GABPB1: variants seen among roughly 807,000 people sequenced by gnomAD.
GABPB1 encodes GA binding protein transcription factor subunit beta 1.
A neutral mutation model predicts 45.9 loss-of-function variants in GABPB1; 15 were observed. The ratio of observed to expected loss-of-function variants is 0.33; its 90% CI spans 0.22 to 0.50. The LOEUF (loss-of-function observed/expected upper bound fraction) is 0.50. Ranked by LOEUF, GABPB1 falls within the 20% of genes least tolerant of loss-of-function variation. The pLI, the probability that GABPB1 is intolerant of heterozygous loss-of-function variation, is 0.98. For missense variants in GABPB1, 252 were observed against 457.5 expected (o/e 0.55, Z 4.10); for synonymous variants, 143 against 154.4 (o/e 0.93, Z 0.55).
rs572313678 is a variant in GABPB1, at chr15:50,297,504, G to A, written c.697+3285C>T. ...ACTGGTATTACAGGAGTGAGCCTGC[G>A]CTCCCGGCACTTCTTTTTAAGTAAG... On this transcript the variant is annotated intron_variant, in intron 6 of 8. Transcript: ENST00000380877. Among the ~76,000 whole-genome samples, 5 of 152,224 alleles carry A rather than the reference G, an allele frequency of 3.3e-5. No individual in the cohort carries two copies. In the East Asian group the frequency reaches 5.8e-4, roughly 18 times the overall value.
Position 50,276,529 on chromosome 15 carries a change from T to C in GABPB1, c.*2103A>G, listed in dbSNP as rs1265342726. ...ACTTACTCCTTTTAAGCACCAATTA[T>C]TTTCTCCCATCTATGCCAGCTGTTG... On this transcript the variant is annotated 3_prime_UTR_variant, in exon 9 of 9. Coordinates refer to ENST00000380877, the MANE Select transcript of GABPB1 (RefSeq NM_016654.5). 1 of 151,628 alleles carries C rather than the reference T, an allele frequency of 6.6e-6. No individual in the cohort carries two copies. The highest frequency in any genetic ancestry group is 1.5e-5 in the Non-Finnish European group (1 of 68,032). The allele number at this position is 151,628 out of a possible 1,614,324, so 9.4% of individuals were successfully genotyped here.
intron 8 of GABPB1, among the ~76,000 whole-genome samples, chr15:50,284,205 A>G (rs949348518): frequency 6.6e-6 from 1 of 152,158 alleles, no homozygotes; most frequent in Admixed American, 6.5e-5. Flanking sequence ...TATTATAAGG[A>G]AATTATTACC....
chr15:50,344,526 G>A (rs1256916279), intron 1 of GABPB1, among the ~76,000 whole-genome samples: 1 of 152,196 alleles, frequency 6.6e-6, no homozygotes, highest in African/African-American at 2.4e-5. Flanking sequence ...AATAGGCAAT[G>A]CAGAATTCCA....
At position 50,278,509 on chromosome 15, in the gene GABPB1, C is replaced by T; in HGVS notation, c.*123G>A. On this transcript the variant is annotated 3_prime_UTR_variant, in exon 9 of 9. Transcript: ENST00000380877. ...GAACTCAGAGCTCATGGCTTAAGTC[C>T]AATTATCCATCTGTAGTCTCTTCTA... The T allele has an allele frequency of 1.6e-6, 1 of 638,292 alleles. No homozygotes were observed. Among genetic ancestry groups the T allele is most frequent in the Non-Finnish European group, 2.5e-6 (1 of 407,764 alleles). 39.5% of individuals were successfully genotyped at this position (638,292 alleles called of 1,614,324 possible).
At chr15:50,320,796 G>T (rs1047281319) in intron 1 of GABPB1, among the ~76,000 whole-genome samples, 1 of 152,162 alleles carries the variant, frequency 6.6e-6, no homozygotes, top group South Asian at 2.1e-4. Context: ...AGGAAGCAGA[G>T]ATCAGAGAGA....
At chr15:50,304,462 G>C (rs1056695453) in intron 2 of GABPB1, among the ~76,000 whole-genome samples, 1 of 152,202 alleles carries the variant, frequency 6.6e-6, no homozygotes, top group Admixed American at 6.5e-5. Flanking sequence ...TGTAATCCCA[G>C]CACTTTGGGA....
At chr15:50,297,215 CTTCT>C (rs964761564) in intron 6 of GABPB1, among the ~76,000 whole-genome samples, 36 of 40,290 alleles carry the variant, frequency 8.9e-4, no homozygotes, top group Admixed American at 2.4e-3. Context: ...CCACCCATTA[CTTCT>C]TTTTTTTTTT....
At chr15:50,337,705 T>C (rs950051348) in intron 1 of GABPB1, among the ~76,000 whole-genome samples, 2 of 152,056 alleles carry the variant, frequency 1.3e-5, no homozygotes, top group African/African-American at 4.8e-5. Context: ...AGTAGAGGCC[T>C]GCAGTGAGCT....
intron 2 of GABPB1, among the ~76,000 whole-genome samples, chr15:50,305,988 T>C (rs1001496165): frequency 9.9e-5 from 15 of 152,106 alleles, no homozygotes; most frequent in Admixed American, 3.3e-4. Flanking sequence ...TTATTCATTT[T>C]TTTAGAGTCA....
chr15:50,336,501 T>C (rs913289210), intron 1 of GABPB1, among the ~76,000 whole-genome samples: 11 of 151,596 alleles, frequency 7.3e-5, no homozygotes, highest in African/African-American at 2.4e-4. Context: ...TAAGACTCCA[T>C]CTCTACAAAA....
At chr15:50,319,803 A>G (rs1238173801) in intron 1 of GABPB1, among the ~76,000 whole-genome samples, 1 of 152,142 alleles carries the variant, frequency 6.6e-6, no homozygotes, top group African/African-American at 2.4e-5. Flanking sequence ...ACACCACTGC[A>G]CTCCAGCCCA....
intron 6 of GABPB1, among the ~76,000 whole-genome samples, chr15:50,291,140 T>C (rs571953266): frequency 2.6e-5 from 4 of 152,304 alleles, no homozygotes; most frequent in African/African-American, 9.6e-5. Flanking sequence ...GAATATGTAC[T>C]GTCTACCTTC....
chr15:50,328,066 C>T (rs947723036), intron 1 of GABPB1, among the ~76,000 whole-genome samples: 10 of 150,726 alleles, frequency 6.6e-5, no homozygotes, highest in South Asian at 2.1e-4. Context: ...TGTCTATAAA[C>T]GAAAAAATTA....
At chr15:50,340,897 A>ATGGTTTATTACCATATGTAATATTACATG (rs1567545839) in intron 1 of GABPB1, among the ~76,000 whole-genome samples, 1 of 100,314 alleles carries the variant, frequency 1.0e-5, no homozygotes, top group Non-Finnish European at 1.9e-5. Flanking sequence ...CATATTACAT[A>ATGGTTTATTACCATATGTAATATTACATG]TGGTTTATTA....
intron 6 of GABPB1, among the ~76,000 whole-genome samples, chr15:50,291,680 G>A (rs2046346789): frequency 6.6e-6 from 1 of 151,968 alleles, no homozygotes; most frequent in East Asian, 2.0e-4. Flanking sequence ...AGCACTCCAG[G>A]AGGCCGAGGC....
chr15:50,282,160 A>G, intron 8 of GABPB1: 1 of 384,326 alleles, frequency 2.6e-6, no homozygotes, highest in Non-Finnish European at 5.1e-6. Flanking sequence ...TGATTGCACC[A>G]CTGCACTCCA....
chr15:50,328,730 T>C (rs1406154106), intron 1 of GABPB1, among the ~76,000 whole-genome samples: 1 of 152,220 alleles, frequency 6.6e-6, no homozygotes, highest in Non-Finnish European at 1.5e-5. Context: ...CCAAACATTT[T>C]TGTCTGACAG....
Position 50,330,343 on chromosome 15 carries a change from C to T in GABPB1, c.1-20545G>A, listed in dbSNP as rs79610689. ...TTCTGTTTTACAGCTGCATAGTACT[C>T]GGCTATGTGAAAATACCATTGTATA... On this transcript the variant is annotated intron_variant, in intron 1 of 8. Transcript: ENST00000380877. Among the ~76,000 whole-genome samples the T allele has an allele frequency of 5.9e-3, 893 of 152,110 alleles. 5 individuals are homozygous for T. Among genetic ancestry groups the T allele is most frequent in the African/African-American group, 0.02 (847 of 41,456 alleles).
chr15:50,284,546 C>G (rs1043332384), intron 8 of GABPB1, among the ~76,000 whole-genome samples: 2 of 152,168 alleles, frequency 1.3e-5, no homozygotes, highest in Non-Finnish European at 2.9e-5. Context: ...TTTCCCTGGT[C>G]TCTCAAAAGA....
Sources: gnomAD v4.1 joint callset for allele counts (sites outside exome capture counted in the v4.1 genomes callset) on GRCh38, gnomAD v4.1.1 for gene constraint, MANE v1.5 for transcripts, NCBI Gene and HGNC (gene_info 2026-07-23, HGNC 2026-07-21) for gene names.